Variants in PLEKHA5 observed in about 807,000 individuals in gnomAD.
The protein encoded by PLEKHA5 is pleckstrin homology domain-containing family A member 5.
PLEKHA5 carries 55 observed loss-of-function variants against 181.9 expected under a neutral mutation model. The ratio of observed to expected loss-of-function variants is 0.30; its 90% CI spans 0.24 to 0.38. PLEKHA5 has a LOEUF of 0.38. Among genes scored for constraint, PLEKHA5 ranks in the 10% least tolerant of loss-of-function variants. PLEKHA5 has a pLI of 1.00. For synonymous variants in PLEKHA5, 535 were observed against 529.4 expected (o/e 1.01, Z -0.15); for missense variants, 1,432 against 1,549.5 (o/e 0.92, Z 1.27).
intron 15 of PLEKHA5, among the ~76,000 whole-genome samples, chr12:19,303,217 T>A (rs1183900839): frequency 6.6e-6 from 1 of 150,744 alleles, no homozygotes; most frequent in Admixed American, 6.6e-5. Context: ...TAGATTATTA[T>A]ATAAACTTTT....
chr12:19,219,904 G>A (rs1486267128), intron 3 of PLEKHA5, among the ~76,000 whole-genome samples: 1 of 152,008 alleles, frequency 6.6e-6, no homozygotes, highest in African/African-American at 2.4e-5. Flanking sequence ...TAAAACAACA[G>A]TTAATACTTT....
intron 29 of PLEKHA5, among the ~76,000 whole-genome samples, chr12:19,364,043 A>G (rs2095345518): frequency 1.3e-5 from 2 of 152,230 alleles, no homozygotes; most frequent in African/African-American, 4.8e-5. Flanking sequence ...TACAACAACA[A>G]AAAAATTACT....
chr12:19,297,743 G>T, intron 15 of PLEKHA5, among the ~76,000 whole-genome samples: 1 of 136,628 alleles, frequency 7.3e-6, no homozygotes, highest in African/African-American at 2.6e-5. Context: ...TAATTTACCA[G>T]TAAATTATTA....
intron 3 of PLEKHA5, among the ~76,000 whole-genome samples, chr12:19,197,457 T>A (rs1037666338): frequency 6.6e-6 from 1 of 152,198 alleles, no homozygotes; most frequent in Admixed American, 6.5e-5. Flanking sequence ...TCCTGACTCC[T>A]CTTTAATTTC....
chr12:19,137,570 A>ATAAT (rs1224947189), intron 3 of PLEKHA5, among the ~76,000 whole-genome samples: 3 of 152,188 alleles, frequency 2.0e-5, no homozygotes, highest in African/African-American at 7.2e-5. Context: ...AATATGCAGT[A>ATAAT]TATTAAAACA....
chr12:19,255,812 C>G (rs1233214227), intron 5 of PLEKHA5, among the ~76,000 whole-genome samples: 1 of 149,458 alleles, frequency 6.7e-6, no homozygotes, highest in Non-Finnish European at 1.5e-5. Flanking sequence ...ATACTTTACA[C>G]CAGAAATTTT....
At chr12:19,344,924 C>T (rs1465459543) in intron 22 of PLEKHA5, among the ~76,000 whole-genome samples, 1 of 145,002 alleles carries the variant, frequency 6.9e-6, no homozygotes, top group Non-Finnish European at 1.5e-5. Flanking sequence ...ACCTGGCCAA[C>T]ATGACAAAAC....
intron 21 of PLEKHA5, among the ~76,000 whole-genome samples, chr12:19,337,941 G>T (rs1466136645): frequency 6.6e-6 from 1 of 151,102 alleles, no homozygotes; most frequent in Admixed American, 6.6e-5. Flanking sequence ...TGAGGCAGGA[G>T]AATCGCTTGA....
intron 11 of PLEKHA5, among the ~76,000 whole-genome samples, chr12:19,278,033 C>T (rs2075076096): frequency 1.3e-5 from 2 of 152,090 alleles, no homozygotes; most frequent in African/African-American, 4.8e-5. Flanking sequence ...TCACACTTTG[C>T]TTAATTTGAA....
chr12:19,350,344 G>A (rs1370297249), intron 25 of PLEKHA5, among the ~76,000 whole-genome samples: 1 of 152,210 alleles, frequency 6.6e-6, no homozygotes, highest in Non-Finnish European at 1.5e-5. Flanking sequence ...GAAAGAATGT[G>A]TATGTATTTA....
intron 3 of PLEKHA5, among the ~76,000 whole-genome samples, chr12:19,190,668 T>C (rs189631243): frequency 6.6e-6 from 1 of 152,370 alleles, no homozygotes; most frequent in African/African-American, 2.4e-5. Context: ...ATTTCAGTTA[T>C]CTCAGTGTTA....
At chr12:19,257,368 G>T in intron 5 of PLEKHA5, 65 bp from the exon 6 acceptor site, 1 of 713,034 alleles carries the variant, frequency 1.4e-6, no homozygotes, top group Non-Finnish European at 2.4e-6. Flanking sequence ...AATTTTAAGA[G>T]GAAGATAAGC....
chr12:19,283,656 C>G lies in PLEKHA5; in HGVS notation c.1690C>G (p.Pro564Ala), dbSNP rs779818129. 8 of 1,614,056 alleles carry G rather than the reference C, an allele frequency of 5.0e-6. No individual in the cohort carries two copies. The highest frequency in any genetic ancestry group is 6.8e-6 in the Non-Finnish European group (8 of 1,179,950). The change falls in exon 12 of 32, where the codon CCT becomes GCT. Residue 564 changes from proline to alanine, a missense_variant. By Grantham distance (27) the Pro-to-Ala change is conservative. Transcript: ENST00000429027. ...GSIAAYQGYS[P>A]QRTYRSEVSS... The stretch of plus-strand genomic sequence containing the variant: ...AATAGCTGCTTATCAGGGATACTCC[C>G]CTCAACGAACTTACAGATCGGAAGT...
chr12:19,229,892 A>G (rs904593281), intron 3 of PLEKHA5, among the ~76,000 whole-genome samples: 1 of 152,166 alleles, frequency 6.6e-6, no homozygotes, highest in South Asian at 2.1e-4. Flanking sequence ...AAGTCCCCAC[A>G]GGGCACTGAT....
intron 3 of PLEKHA5, among the ~76,000 whole-genome samples, chr12:19,180,688 C>G (rs2048327032): frequency 6.6e-6 from 1 of 151,850 alleles, no homozygotes; most frequent in South Asian, 2.1e-4. Context: ...CCATGCAATA[C>G]AATGGTGATT....
intron 15 of PLEKHA5, among the ~76,000 whole-genome samples, chr12:19,307,896 T>C (rs916185808): frequency 6.7e-6 from 1 of 148,956 alleles, no homozygotes; most frequent in Admixed American, 6.7e-5. Flanking sequence ...TAAAAGAAAA[T>C]TGTCTCTCTC....
intron 6 of PLEKHA5, among the ~76,000 whole-genome samples, chr12:19,259,802 TTTG>T (rs2067912102): frequency 1.3e-5 from 2 of 151,504 alleles, no homozygotes; most frequent in Admixed American, 6.6e-5. Context: ...TTTTTTTTTT[TTTG>T]GTTTCTTTTT....
intron 25 of PLEKHA5, among the ~76,000 whole-genome samples, chr12:19,349,551 G>A (rs1435807067): frequency 6.6e-6 from 1 of 151,836 alleles, no homozygotes; most frequent in African/African-American, 2.4e-5. Flanking sequence ...TCTTAATGCT[G>A]GTCATTTTTC....
At chr12:19,332,764 A>G (rs1178973176) in intron 20 of PLEKHA5, among the ~76,000 whole-genome samples, 1 of 152,142 alleles carries the variant, frequency 6.6e-6, no homozygotes, top group Non-Finnish European at 1.5e-5. Context: ...CGCTCAAGCG[A>G]TCCTCTCACC....
Sources: allele counts gnomAD v4.1 joint callset (sites outside exome capture counted in the v4.1 genomes callset), GRCh38; gene constraint gnomAD v4.1.1; transcripts MANE v1.5; gene names NCBI Gene and HGNC (gene_info 2026-07-23, HGNC 2026-07-21).